Variants in CNBD1 observed in about 807,000 individuals in gnomAD.
The protein encoded by CNBD1 is cyclic nucleotide-binding domain-containing protein 1.
A neutral mutation model predicts 54.4 loss-of-function variants in CNBD1; 71 were observed. That is an observed-to-expected ratio of 1.30 (90% CI 1.08 to 1.59). The LOEUF (loss-of-function observed/expected upper bound fraction) is 1.59, where lower values mean the gene tolerates loss of function less well. Ranked by LOEUF, CNBD1 falls within the 40% of genes most tolerant of loss-of-function variation. CNBD1 has a pLI of 0.00. For synonymous variants in CNBD1, 182 were observed against 170.7 expected (o/e 1.07, Z -0.51); for missense variants, 659 against 518.0 (o/e 1.27, Z -2.64).
At chr8:87,128,456 C>T (rs1460686066) in intron 4 of CNBD1, among the ~76,000 whole-genome samples, 1 of 152,162 alleles carries the variant, frequency 6.6e-6, no homozygotes, top group Non-Finnish European at 1.5e-5. Flanking sequence ...GAGCCACACC[C>T]CTGTTGCAAG....
At chr8:87,342,167 A>T (rs868279658) in intron 8 of CNBD1, among the ~76,000 whole-genome samples, 1 of 151,836 alleles carries the variant, frequency 6.6e-6, no homozygotes, top group African/African-American at 2.4e-5. Context: ...CAGCTACTTG[A>T]GAGGCTGAGG....
rs563191727 is a variant in CNBD1, at chr8:86,897,054, G to A, written c.159-8027G>A. 5.9e-5 allele frequency among the ~76,000 whole-genome samples: 9 copies of A among 152,264 alleles called. No homozygotes were observed. The South Asian group carries it at 1.7e-3, about 28-fold the overall frequency. ...TGTGGGAAAAGATCTGCTCTCATATGCTGCTGGAAAAGTGGCAGATGTATA... is the reference window on the plus strand; with the variant it reads ...TGTGGGAAAAGATCTGCTCTCATATACTGCTGGAAAAGTGGCAGATGTATA... On this transcript the variant is annotated intron_variant, in intron 2 of 10. Transcript: ENST00000518476.
intron 4 of CNBD1, among the ~76,000 whole-genome samples, chr8:87,164,933 A>G (rs1812930429): frequency 6.6e-6 from 1 of 151,338 alleles, no homozygotes; most frequent in Admixed American, 6.6e-5. Context: ...TTTTTTTCTT[A>G]GAACTACTTT....
chr8:87,412,200 A>C (rs1001979350), intron 2 of CNBD1, among the ~76,000 whole-genome samples: 3 of 152,088 alleles, frequency 2.0e-5, no homozygotes, highest in Non-Finnish European at 2.9e-5. Flanking sequence ...GGAAAATGCT[A>C]ATCATTTATG....
chr8:87,027,886 A>G lies in CNBD1; in HGVS notation c.431+88132A>G, dbSNP rs1451483724. Among the ~76,000 whole-genome samples, 7 of 152,226 alleles carry G rather than the reference A, an allele frequency of 4.6e-5. No homozygotes were observed. The South Asian group carries it at 1.2e-3, about 27-fold the overall frequency. On this transcript the variant is annotated intron_variant, in intron 4 of 10. Coordinates refer to ENST00000518476, the MANE Select transcript of CNBD1 (RefSeq NM_173538.3). Reference sequence around the variant, plus strand: ...CTGCTGCAGCAACAAACAAGCTCCAAGTGTGTCCAAACGGAAACAGTCGGT... The same window carrying G: ...CTGCTGCAGCAACAAACAAGCTCCAGGTGTGTCCAAACGGAAACAGTCGGT...
At chr8:87,178,460 T>C (rs1315548478) in intron 4 of CNBD1, among the ~76,000 whole-genome samples, 3 of 152,116 alleles carry the variant, frequency 2.0e-5, no homozygotes, top group African/African-American at 7.2e-5. Context: ...TTGCTTGGTA[T>C]ATGAGAGGGA....
chr8:87,344,445 TA>T (rs1810129222), intron 8 of CNBD1, among the ~76,000 whole-genome samples: 1 of 152,102 alleles, frequency 6.6e-6, no homozygotes, highest in South Asian at 2.1e-4. Flanking sequence ...AAATAATTTT[TA>T]AAAATTTTCA....
chr8:87,092,900 C>G (rs1370031362), intron 4 of CNBD1, among the ~76,000 whole-genome samples: 1 of 152,078 alleles, frequency 6.6e-6, no homozygotes, highest in Non-Finnish European at 1.5e-5. Context: ...CTCCAAAACC[C>G]CTTTGAATTC....
intron 2 of CNBD1, among the ~76,000 whole-genome samples, chr8:86,896,897 A>G (rs988217631): frequency 4.6e-5 from 7 of 152,226 alleles, no homozygotes; most frequent in Non-Finnish European, 1.0e-4. Flanking sequence ...GGAAATTGCT[A>G]TGAATAGAAA....
intron 6 of CNBD1, among the ~76,000 whole-genome samples, chr8:87,258,730 T>A (rs1238052933): frequency 6.6e-6 from 1 of 152,178 alleles, no homozygotes; most frequent in Admixed American, 6.6e-5. Flanking sequence ...CCTAATCAAT[T>A]TGACCATAAG....
intron 4 of CNBD1, among the ~76,000 whole-genome samples, chr8:86,964,653 G>T (rs1276480185): frequency 6.6e-6 from 1 of 152,210 alleles, no homozygotes; most frequent in African/African-American, 2.4e-5. Context: ...CACATCTGTT[G>T]TAGGAGCAGG....
chr8:87,139,050 G>T (rs912586658), intron 4 of CNBD1, among the ~76,000 whole-genome samples: 3 of 152,166 alleles, frequency 2.0e-5, no homozygotes, highest in African/African-American at 7.2e-5. Flanking sequence ...GGCCTCTTTT[G>T]TCGTAATTTT....
intron 4 of CNBD1, among the ~76,000 whole-genome samples, chr8:87,062,368 A>G (rs1008860126): frequency 7.9e-5 from 12 of 152,034 alleles, no homozygotes; most frequent in Non-Finnish European, 1.6e-4. Flanking sequence ...GGAGGTACTT[A>G]CATTATTAAG....
intron 9 of CNBD1, among the ~76,000 whole-genome samples, chr8:87,353,237 C>T (rs1586039473): frequency 6.6e-6 from 1 of 152,092 alleles, no homozygotes; most frequent in South Asian, 2.1e-4. Flanking sequence ...GCTTATTTTC[C>T]TTCTTCCCTG....
At chr8:87,145,719 A>G (rs1256324633) in intron 4 of CNBD1, among the ~76,000 whole-genome samples, 1 of 152,188 alleles carries the variant, frequency 6.6e-6, no homozygotes, top group Non-Finnish European at 1.5e-5. Flanking sequence ...AAACCAAAAT[A>G]TTAACATATC....
At chr8:87,123,555 A>G (rs940230051) in intron 4 of CNBD1, among the ~76,000 whole-genome samples, 89 of 151,874 alleles carry the variant, frequency 5.9e-4, no homozygotes, top group South Asian at 8.3e-4. Flanking sequence ...TTTAATGCTT[A>G]TATCAAAAAA....
chr8:86,892,792 C>CT (rs1251031378), intron 2 of CNBD1, among the ~76,000 whole-genome samples: 2 of 151,824 alleles, frequency 1.3e-5, no homozygotes, highest in Non-Finnish European at 2.9e-5. Context: ...TTTTTCTTCC[C>CT]TTTTTTCACT....
chr8:87,394,807 T>G (rs1390576231), intron 2 of CNBD1, among the ~76,000 whole-genome samples: 1 of 151,912 alleles, frequency 6.6e-6, no homozygotes, highest in Non-Finnish European at 1.5e-5. Context: ...GTTTAAATTT[T>G]ATGGCTCTTT....
intron 6 of CNBD1, among the ~76,000 whole-genome samples, chr8:87,276,851 A>T (rs1808490761): frequency 6.6e-6 from 1 of 151,754 alleles, no homozygotes; most frequent in Admixed American, 6.6e-5. Flanking sequence ...GAAAATAGTG[A>T]ATAGAACTTA....
Sources: allele counts gnomAD v4.1 joint callset (sites outside exome capture counted in the v4.1 genomes callset), GRCh38; gene constraint gnomAD v4.1.1; transcripts MANE v1.5; gene names NCBI Gene and HGNC (gene_info 2026-07-23, HGNC 2026-07-21).